The following NTM variants were observed in gnomAD, a reference collection of about 807,000 sequenced individuals.
NTM encodes the protein neurotrimin.
NTM carries 13 observed loss-of-function variants against 42.1 expected under a neutral mutation model. The observed-to-expected ratio is 0.31, with a 90% CI of 0.20 to 0.49. NTM has a LOEUF of 0.49. Among genes scored for constraint, NTM ranks in the 20% least tolerant of loss-of-function variants. The probability of loss-of-function intolerance (pLI) is 0.99; values close to 1 mark genes in which losing one functional copy is unlikely to be tolerated. For missense variants in NTM, 373 were observed against 452.8 expected, an observed-to-expected ratio of 0.82 and a Z score of 1.60; for synonymous variants, 187 against 179.2, an observed-to-expected ratio of 1.04 and a Z score of -0.35.
intron 2 of NTM, among the ~76,000 whole-genome samples, chr11:132,110,214 G>A (rs1403689742): frequency 6.6e-6 from 1 of 152,244 alleles, no homozygotes; most frequent in African/African-American, 2.4e-5. Context: ...CCAGTGGCTA[G>A]AACTTTGCTT....
In NTM at chr11:131,788,300, T is replaced by G. The variant is rs529778136; in HGVS notation, c.83-123264T>G. On this transcript the variant is annotated intron_variant, in intron 1 of 8. Coordinates refer to ENST00000683400, the MANE Select transcript of NTM (RefSeq NM_001352005.2). The stretch of plus-strand genomic sequence containing the variant: ...TAAAAAAATTTATTACTCTTTCCCA[T>G]TATAATTATTTTTGTCAGATCCTTC... 3.9e-5 allele frequency among the ~76,000 whole-genome samples: 6 copies of G among 152,240 alleles called. No homozygotes were observed. The East Asian group carries it at 1.2e-3, about 29-fold the overall frequency.
intron 3 of NTM, among the ~76,000 whole-genome samples, chr11:132,169,370 C>G (rs759673557): frequency 1.0e-5 from 1 of 98,288 alleles, no homozygotes; most frequent in Non-Finnish European, 1.8e-5. Flanking sequence ...GAGTCTCACT[C>G]TGTCACCCAG....
intron 2 of NTM, among the ~76,000 whole-genome samples, chr11:132,039,819 C>T (rs1280107198): frequency 1.4e-5 from 2 of 144,898 alleles, no homozygotes; most frequent in South Asian, 2.2e-4. Flanking sequence ...CTCTCTGCGG[C>T]GCAGTTTCCG....
intron 1 of NTM, among the ~76,000 whole-genome samples, chr11:131,730,719 T>TAAAAAAAAAA (rs2079541594): frequency 1.8e-5 from 2 of 108,766 alleles, no homozygotes; most frequent in Admixed American, 8.6e-5. Flanking sequence ...CCCTATCTGT[T>TAAAAAAAAAA]AAAAGAAGAA....
chr11:131,461,969 T>G (rs923819868), intron 1 of NTM, among the ~76,000 whole-genome samples: 1 of 152,204 alleles, frequency 6.6e-6, no homozygotes, highest in Non-Finnish European at 1.5e-5. Flanking sequence ...CAAAACTGCA[T>G]GCAAATTTTT....
intron 2 of NTM, among the ~76,000 whole-genome samples, chr11:131,978,509 T>C (rs979919654): frequency 7.9e-5 from 12 of 152,052 alleles, no homozygotes; most frequent in African/African-American, 2.9e-4. Context: ...AAGGGGCTGA[T>C]GAGGTTGGAG....
chr11:132,117,883 G>C (rs756348464), intron 2 of NTM, among the ~76,000 whole-genome samples: 1 of 152,206 alleles, frequency 6.6e-6, no homozygotes, highest in African/African-American at 2.4e-5. Context: ...GGGCAACACT[G>C]AGCTGTTAGT....
chr11:132,326,484 G>T (rs761134483), intron 7 of NTM, among the ~76,000 whole-genome samples: 13 of 152,166 alleles, frequency 8.5e-5, no homozygotes, highest in Non-Finnish European at 1.3e-4. Flanking sequence ...CTGAGCAGGG[G>T]CAAGGAGCCC....
intron 3 of NTM, among the ~76,000 whole-genome samples, chr11:132,161,214 A>G (rs777488251): frequency 6.6e-6 from 1 of 151,988 alleles, no homozygotes; most frequent in Admixed American, 6.6e-5. Context: ...TCATTTGTCC[A>G]TGGATTCTCC....
chr11:132,015,695 T>C (rs771393573), intron 2 of NTM, among the ~76,000 whole-genome samples: 12 of 150,206 alleles, frequency 8.0e-5, no homozygotes, highest in South Asian at 4.3e-4. Flanking sequence ...GTGTGATTGT[T>C]TTCTTGATTT....
At chr11:132,133,627 A>G (rs899935698) in intron 2 of NTM, among the ~76,000 whole-genome samples, 2 of 152,142 alleles carry the variant, frequency 1.3e-5, no homozygotes, top group Admixed American at 6.5e-5. Flanking sequence ...CCTCCCTGCC[A>G]GCCCTGTTTA....
At chr11:131,614,791 A>G (rs74607644) in intron 1 of NTM, among the ~76,000 whole-genome samples, 3 of 152,352 alleles carry the variant, frequency 2.0e-5, no homozygotes, top group East Asian at 1.9e-4. Context: ...CATCAAGACT[A>G]TGAAATTGGA....
chr11:132,030,320 A>G (rs770834660), intron 2 of NTM, among the ~76,000 whole-genome samples: 5 of 152,188 alleles, frequency 3.3e-5, no homozygotes, highest in Non-Finnish European at 5.9e-5. Context: ...TCCTAAAATC[A>G]TCTCGTATAT....
chr11:132,057,925 A>G (rs935348034), intron 2 of NTM, among the ~76,000 whole-genome samples: 3 of 151,934 alleles, frequency 2.0e-5, no homozygotes, highest in East Asian at 1.9e-4. Flanking sequence ...GTGGCTTCTC[A>G]TTTCCAAGAT....
intron 1 of NTM, among the ~76,000 whole-genome samples, chr11:131,517,166 T>C (rs894838468): frequency 1.3e-5 from 2 of 152,196 alleles, no homozygotes; most frequent in African/African-American, 4.8e-5. Context: ...GAGCTGCTGA[T>C]TGGGTCTCAT....
chr11:131,826,539 C>T lies in NTM; in HGVS notation c.83-85025C>T, dbSNP rs183199569. On this transcript the variant is annotated intron_variant, in intron 1 of 8. Transcript: ENST00000683400. Reference sequence around the variant, plus strand: ...ATAGACAGGCTTGGACAGTCAGCTACGTCGAGGGATTGGTCGTAATATTCT... The same window carrying T: ...ATAGACAGGCTTGGACAGTCAGCTATGTCGAGGGATTGGTCGTAATATTCT... Among the ~76,000 whole-genome samples the T allele has an allele frequency of 9.8e-4, 142 of 144,274 alleles. 1 individual carries two copies. Among genetic ancestry groups the T allele is most frequent in the Middle Eastern group, 3.5e-3 (1 of 284 alleles). 94.6% of individuals were successfully genotyped at this position (144,274 alleles called of 152,430 possible).
intron 1 of NTM, among the ~76,000 whole-genome samples, chr11:131,699,295 A>G (rs904650125): frequency 6.6e-6 from 1 of 152,200 alleles, no homozygotes; most frequent in Non-Finnish European, 1.5e-5. Context: ...TTGTCCACCT[A>G]CAATAATCAG....
chr11:131,484,358 C>T (rs772866637), intron 1 of NTM, among the ~76,000 whole-genome samples: 1 of 152,182 alleles, frequency 6.6e-6, no homozygotes, highest in Non-Finnish European at 1.5e-5. Context: ...AAGACTGGCA[C>T]ATCCCCAAGA....
intron 1 of NTM, among the ~76,000 whole-genome samples, chr11:131,740,351 C>G (rs2081029562): frequency 6.6e-6 from 1 of 152,098 alleles, no homozygotes; most frequent in Admixed American, 6.6e-5. Context: ...CTAAGGTGCA[C>G]AAAATGAATA....
Sources: gnomAD v4.1 joint callset for allele counts (sites outside exome capture counted in the v4.1 genomes callset) on GRCh38, gnomAD v4.1.1 for gene constraint, MANE v1.5 for transcripts, NCBI Gene and HGNC (gene_info 2026-07-23, HGNC 2026-07-21) for gene names.